The following ABCB1 variants were observed in gnomAD, a reference collection of about 807,000 sequenced individuals.
ABCB1 encodes the protein ATP-dependent translocase ABCB1.
ABCB1 carries 69 observed loss-of-function variants against 142.0 expected under a neutral mutation model. The observed-to-expected ratio is 0.49, with a 90% confidence interval of 0.40 to 0.59. The LOEUF is 0.59. ABCB1 is among the 20% of genes least tolerant of loss of function. The pLI, the probability that ABCB1 is intolerant of heterozygous loss-of-function variation, is 0.00. For missense variants in ABCB1, 1,326 were observed against 1,554.7 expected, an observed-to-expected ratio of 0.85 and a Z score of 2.47; for synonymous variants, 532 against 539.2, an observed-to-expected ratio of 0.99 and a Z score of 0.18.
chr7:87,570,256 G>A (rs1296974355), intron 4 of ABCB1, 33 bp from the exon 5 acceptor site: 1 of 1,550,050 alleles, frequency 6.5e-7, no homozygotes, highest in East Asian at 2.2e-5. Flanking sequence ...TACCATTTAT[G>A]TCTCTTTAGT....
intron 3 of ABCB1, among the ~76,000 whole-genome samples, chr7:87,593,467 G>A (rs1382172158): frequency 1.3e-5 from 2 of 152,194 alleles, no homozygotes; most frequent in African/African-American, 4.8e-5. Context: ...CAGACATTGT[G>A]TGCAGACAAG....
chr7:87,504,319 G>C lies in ABCB1; in HGVS notation c.3767C>G (p.Thr1256Arg). Residue 1256 changes from threonine (T) to arginine (R), a missense_variant, in exon 28 of 28, where the codon ACG becomes AGG. Thr to Arg is a moderately conservative substitution (Grantham distance 71, BLOSUM62 -1). Coordinates refer to ENST00000622132, the MANE Select transcript of ABCB1 (RefSeq NM_001348946.2). ...FQNGRVKEHG[T>R]HQQLLAQKGI... The stretch of plus-strand genomic sequence containing the variant: ...TTTCTGTGCCAGCAGCTGCTGATGC[G>C]TGCCATGCTCCTTGACTCTGCCATT... 1 of 1,614,018 alleles carries C rather than the reference G, an allele frequency of 6.2e-7. No individual in the cohort carries two copies. The highest frequency in any genetic ancestry group is 1.7e-5 in the Admixed American group (1 of 60,020).
intron 3 of ABCB1, among the ~76,000 whole-genome samples, chr7:87,594,873 C>T (rs951117836): frequency 6.6e-6 from 1 of 152,062 alleles, no homozygotes; most frequent in Non-Finnish European, 1.5e-5. Context: ...ACAATCTATC[C>T]ACTCCCTTAC....
chr7:87,576,075 C>T (rs538780462), intron 4 of ABCB1, among the ~76,000 whole-genome samples: 2 of 152,176 alleles, frequency 1.3e-5, no homozygotes, highest in East Asian at 3.9e-4. Context: ...TTTTCACCTA[C>T]AAAATTCTAT....
intron 1 of ABCB1, among the ~76,000 whole-genome samples, chr7:87,634,496 G>T (rs1044890046): frequency 2.5e-4 from 9 of 36,696 alleles, no homozygotes; most frequent in East Asian, 3.8e-3. Flanking sequence ...GTGGGGGGTG[G>T]GGGGGGGGGC....
Position 87,619,862 on chromosome 7 carries a change from G to A in ABCB1, c.-330-18784C>T, listed in dbSNP as rs542039821. ...CATATTTTGATCCTGAAAGTTCAAGGGGCGATCATTAATATCATTGTCATT... is the reference window on the plus strand; with the variant it reads ...CATATTTTGATCCTGAAAGTTCAAGAGGCGATCATTAATATCATTGTCATT... On this transcript the variant is annotated intron_variant, in intron 1 of 28. Coordinates refer to the ABCB1 transcript ENST00000265724. Among the ~76,000 whole-genome samples, 6 of 152,020 alleles carry A rather than the reference G, an allele frequency of 3.9e-5. No homozygotes were observed. In the South Asian group the frequency reaches 1.2e-3, roughly 32 times the overall value.
intron 3 of ABCB1, among the ~76,000 whole-genome samples, chr7:87,592,446 G>A (rs1009236422): frequency 1.3e-5 from 2 of 152,180 alleles, no homozygotes; most frequent in African/African-American, 4.8e-5. Context: ...CACCCAAGTT[G>A]GTTGGAGCAC....
intron 1 of ABCB1, among the ~76,000 whole-genome samples, chr7:87,641,021 T>C (rs1183911806): frequency 1.3e-5 from 2 of 152,190 alleles, no homozygotes; most frequent in African/African-American, 2.4e-5. Flanking sequence ...ATATCTACTT[T>C]TATGGTCTGC....
Position 87,549,930 on chromosome 7 carries a change from C to A in ABCB1, c.1475G>T (p.Arg492Leu). 6.2e-7 allele frequency: 1 copy of A among 1,614,180 alleles called. No homozygotes were observed. The highest frequency in any genetic ancestry group is 8.5e-7 in the Non-Finnish European group (1 of 1,180,034). ...TTIAENIRYG[R>L]ENVTMDEIEK... ...AATCTCATCCATGGTGACATTTTCACGGCCATAGCGAATGTTTTCAGCTAT... is the reference window on the plus strand; with the variant it reads ...AATCTCATCCATGGTGACATTTTCAAGGCCATAGCGAATGTTTTCAGCTAT... Residue 492 changes from arginine (R) to leucine (L), a missense_variant, in exon 13 of 28, where the codon CGT becomes CTT. Arg to Leu is a moderately radical substitution (Grantham distance 102). Transcript: ENST00000622132.
intron 1 of ABCB1, among the ~76,000 whole-genome samples, chr7:87,672,668 CTCTG>C (rs138837364): frequency 3.2e-3 from 481 of 152,300 alleles, no homozygotes; most frequent in Admixed American, 5.6e-3. Flanking sequence ...CTCCATGTAG[CTCTG>C]TCTGTGAGAC....
intron 1 of ABCB1, among the ~76,000 whole-genome samples, chr7:87,638,551 C>T (rs1227641552): frequency 6.6e-6 from 1 of 151,544 alleles, no homozygotes; most frequent in Non-Finnish European, 1.5e-5. Flanking sequence ...TTTCCTGTGT[C>T]TTCTGGTATG....
At chr7:87,597,274 A>G (rs963212349) in intron 2 of ABCB1, among the ~76,000 whole-genome samples, 1 of 152,008 alleles carries the variant, frequency 6.6e-6, no homozygotes, top group Admixed American at 6.6e-5. Context: ...AGCACAAAAA[A>G]CAGTGCTTAG....
chr7:87,670,803 G>A (rs946418251), intron 1 of ABCB1, among the ~76,000 whole-genome samples: 4 of 152,118 alleles, frequency 2.6e-5, no homozygotes, highest in Non-Finnish European at 5.9e-5. Context: ...AGGCTTTTTG[G>A]TCAGTTGGTA....
intron 1 of ABCB1, chr7:87,628,890 A>T: frequency 7.7e-7 from 1 of 1,302,218 alleles, no homozygotes; most frequent in Non-Finnish European, 9.8e-7. Context: ...CGGCAAGAAA[A>T]GCCTGAGCGC....
chr7:87,560,566 T>A (rs964006944), intron 8 of ABCB1, among the ~76,000 whole-genome samples: 1 of 152,170 alleles, frequency 6.6e-6, no homozygotes, highest in Non-Finnish European at 1.5e-5. Flanking sequence ...AAACAATGTA[T>A]AACCCCCTTA....
chr7:87,591,398 A>C (rs147021596), intron 3 of ABCB1, among the ~76,000 whole-genome samples: 131 of 152,328 alleles, frequency 8.6e-4, no homozygotes, highest in African/African-American at 1.5e-3. Flanking sequence ...CACAATGTCA[A>C]AAGAGGGATG....
intron 22 of ABCB1, 124 bp downstream of exon 22, chr7:87,520,651 AT>A: frequency 1.2e-6 from 1 of 816,916 alleles, no homozygotes; most frequent in Non-Finnish European, 2.1e-6. Flanking sequence ...CTGTTTCTCA[AT>A]GGTTTACCTT....
At chr7:87,505,436 T>A (rs886129317) in intron 27 of ABCB1, among the ~76,000 whole-genome samples, 7 of 152,194 alleles carry the variant, frequency 4.6e-5, no homozygotes, top group African/African-American at 1.7e-4. Context: ...AAAGGCCAAA[T>A]ACAGACTCCC....
At chr7:87,539,903 C>A (rs1816457368) in intron 18 of ABCB1, among the ~76,000 whole-genome samples, 1 of 152,164 alleles carries the variant, frequency 6.6e-6, no homozygotes, top group Admixed American at 6.5e-5. Flanking sequence ...CAGCTCAAAG[C>A]CCACCTCACT....
Sources: allele counts gnomAD v4.1 joint callset (sites outside exome capture counted in the v4.1 genomes callset), GRCh38; gene constraint gnomAD v4.1.1; transcripts MANE v1.5; gene names NCBI Gene and HGNC (gene_info 2026-07-23, HGNC 2026-07-21).